Variants in DAB1 observed in about 807,000 individuals in gnomAD.
The protein encoded by DAB1 is DAB adaptor protein 1, also known as disabled homolog 1.
DAB1 carries 15 observed loss-of-function variants against 64.6 expected under a neutral mutation model. That is an observed-to-expected ratio of 0.23 (90% CI 0.16 to 0.36). The LOEUF (loss-of-function observed/expected upper bound fraction) is 0.36. Ranked by LOEUF, DAB1 falls within the 10% of genes least tolerant of loss-of-function variation. The probability of loss-of-function intolerance (pLI) is 1.00; values close to 1 mark genes in which losing one functional copy is unlikely to be tolerated. For missense variants in DAB1, 596 were observed against 706.7 expected (o/e 0.84, Z 1.78); for synonymous variants, 235 against 251.9 (o/e 0.93, Z 0.64).
chr1:57,485,905 A>G (rs935206305), intron 7 of DAB1, among the ~76,000 whole-genome samples: 1 of 152,202 alleles, frequency 6.6e-6, no homozygotes, highest in African/African-American at 2.4e-5. Flanking sequence ...ATTGCTGCCA[A>G]GATATAAGGC....
intron 2 of DAB1, among the ~76,000 whole-genome samples, chr1:57,265,656 T>C (rs1356999075): frequency 6.6e-6 from 1 of 152,162 alleles, no homozygotes; most frequent in African/African-American, 2.4e-5. Context: ...TGAGTTCTCA[T>C]TGTAGATTAA....
rs921839939 is a variant in DAB1, at chr1:57,944,184, C to A, written n.388-60022G>T. Reference sequence around the variant, plus strand: ...CCACAGCCATCCCACATACTCAACACGCTGGCTTCATCTTTCTTCAAACCA... The same window carrying A: ...CCACAGCCATCCCACATACTCAACAAGCTGGCTTCATCTTTCTTCAAACCA... On this transcript the variant is annotated intron_variant and non_coding_transcript_variant, in intron 5 of 20. Transcript: ENST00000485760. Among the ~76,000 whole-genome samples the A allele has an allele frequency of 4.6e-5, 7 of 152,256 alleles. 1 individual carries two copies. The highest frequency in any genetic ancestry group is 4.4e-5 in the Non-Finnish European group (3 of 68,022).
At chr1:57,163,079 C>T (rs1228027861) in intron 2 of DAB1, among the ~76,000 whole-genome samples, 1 of 152,196 alleles carries the variant, frequency 6.6e-6, no homozygotes, top group Non-Finnish European at 1.5e-5. Context: ...TGAATGCCCA[C>T]TACGTGCCAA....
At chr1:57,143,475 G>A (rs780967974) in intron 3 of DAB1, among the ~76,000 whole-genome samples, 5 of 152,058 alleles carry the variant, frequency 3.3e-5, no homozygotes, top group African/African-American at 1.2e-4. Flanking sequence ...TTCTTCCAAG[G>A]TGATTGTGAA....
chr1:58,041,414 A>T (rs1647134404), intron 5 of DAB1, among the ~76,000 whole-genome samples: 1 of 152,212 alleles, frequency 6.6e-6, no homozygotes, highest in South Asian at 2.1e-4. Flanking sequence ...GGGCTGTCTC[A>T]TAAGAGCCAG....
At chr1:58,330,375 T>C (rs1386793628) in intron 4 of DAB1, among the ~76,000 whole-genome samples, 6 of 152,246 alleles carry the variant, frequency 3.9e-5, no homozygotes, top group Non-Finnish European at 7.3e-5. Flanking sequence ...GTTGTCTCTA[T>C]AACATAAATG....
chr1:58,070,469 AC>A (rs1481908399), intron 5 of DAB1, among the ~76,000 whole-genome samples: 2 of 152,236 alleles, frequency 1.3e-5, no homozygotes. Flanking sequence ...GATGAGCCAG[AC>A]ACCTGGGGCA....
At chr1:57,811,554 T>C (rs995433816) in intron 6 of DAB1, among the ~76,000 whole-genome samples, 7 of 152,308 alleles carry the variant, frequency 4.6e-5, no homozygotes, top group African/African-American at 1.7e-4. Flanking sequence ...ATTAAATCTG[T>C]CTTCTTTATA....
intron 1 of DAB1, among the ~76,000 whole-genome samples, chr1:57,399,366 A>T (rs2101025889): frequency 6.6e-6 from 1 of 152,350 alleles, no homozygotes; most frequent in South Asian, 2.1e-4. Flanking sequence ...GGATGGATGG[A>T]TGGCATAGTT....
chr1:57,571,129 T>C (rs1645189255), intron 7 of DAB1, among the ~76,000 whole-genome samples: 1 of 152,188 alleles, frequency 6.6e-6, no homozygotes, highest in Non-Finnish European at 1.5e-5. Context: ...TTTCTAGGTA[T>C]ATCATCATGT....
chr1:58,405,636 T>G (rs553564594), intron 3 of DAB1, among the ~76,000 whole-genome samples: 1 of 152,324 alleles, frequency 6.6e-6, no homozygotes, highest in South Asian at 2.1e-4. Context: ...CTAGGATGTT[T>G]AATTGTTTAT....
chr1:58,228,084 C>T (rs745706546), intron 4 of DAB1, among the ~76,000 whole-genome samples: 6 of 152,140 alleles, frequency 3.9e-5, no homozygotes, highest in Admixed American at 3.9e-4. Context: ...TCAGTGATAG[C>T]TCAGAGCTTG....
chr1:58,483,889 T>C (rs1016721423), intron 3 of DAB1, among the ~76,000 whole-genome samples: 5 of 152,184 alleles, frequency 3.3e-5, no homozygotes, highest in African/African-American at 1.2e-4. Context: ...TCATGGCTGC[T>C]ATATCAGTGT....
intron 6 of DAB1, among the ~76,000 whole-genome samples, chr1:57,659,229 C>T (rs180789516): frequency 6.6e-6 from 1 of 152,284 alleles, no homozygotes; most frequent in Admixed American, 6.5e-5. Flanking sequence ...TGCACCAAGG[C>T]TGTAAAACAC....
chr1:57,230,954 G>A (rs1373741092), intron 2 of DAB1, among the ~76,000 whole-genome samples: 2 of 152,010 alleles, frequency 1.3e-5, no homozygotes, highest in Non-Finnish European at 2.9e-5. Flanking sequence ...CTGAGATAAT[G>A]AACAAAAGTG....
chr1:57,443,174 C>T (rs1406027616), intron 7 of DAB1, among the ~76,000 whole-genome samples: 1 of 152,202 alleles, frequency 6.6e-6, no homozygotes, highest in Non-Finnish European at 1.5e-5. Flanking sequence ...CATATCTGGA[C>T]TTACTCCATC....
intron 4 of DAB1, among the ~76,000 whole-genome samples, chr1:58,292,243 T>A (rs527409): frequency 6.6e-6 from 1 of 152,104 alleles, no homozygotes; most frequent in African/African-American, 2.4e-5. Flanking sequence ...CTTCCGTAAT[T>A]GTGTGCTCTG....
rs566633875 is a variant in DAB1 at position 57,202,438 on chromosome 1, T to C, written c.68-57009A>G. Among the ~76,000 whole-genome samples the C allele has an allele frequency of 1.3e-3, 196 of 152,278 alleles. 2 individuals carry two copies. The highest frequency in any genetic ancestry group is 4.6e-3 in the African/African-American group (192 of 41,582). ...TCTGGCAGTTCCACTTGGGAACCCA[T>C]TGAAATGCAAAGAGAGGCCAGGTCT... On this transcript the variant is annotated intron_variant, in intron 2 of 14. Transcript: ENST00000371236.
intron 5 of DAB1, among the ~76,000 whole-genome samples, chr1:57,942,537 G>T (rs1408373030): frequency 6.6e-6 from 1 of 152,170 alleles, no homozygotes; most frequent in African/African-American, 2.4e-5. Flanking sequence ...TGACCTGCCA[G>T]GTTTCAGCTG....
Sources: gnomAD v4.1 joint callset for allele counts (sites outside exome capture counted in the v4.1 genomes callset) on GRCh38, gnomAD v4.1.1 for gene constraint, MANE v1.5 for transcripts, NCBI Gene and HGNC (gene_info 2026-07-23, HGNC 2026-07-21) for gene names.